PPP2R2A: variants seen among roughly 807,000 people sequenced by gnomAD.
PPP2R2A encodes the protein serine/threonine-protein phosphatase 2A 55 kDa regulatory subunit B alpha isoform.
PPP2R2A carries 9 observed loss-of-function variants against 53.2 expected under a neutral mutation model. The ratio of observed to expected loss-of-function variants is 0.17; its 90% CI spans 0.10 to 0.30. The LOEUF is 0.30. PPP2R2A is among the 10% of genes least tolerant of loss of function. The pLI is 1.00. For synonymous variants in PPP2R2A, 169 were observed against 174.2 expected (o/e 0.97, Z 0.23); for missense variants, 235 against 534.6 (o/e 0.44, Z 5.53).
chr8:26,339,046 T>C lies in PPP2R2A; in HGVS notation c.180+59T>C, dbSNP rs1803806894. The C allele has an allele frequency of 9.5e-6, 12 of 1,264,232 alleles. No homozygotes were observed. In the South Asian group the frequency reaches 1.4e-4, roughly 14 times the overall value. The allele number at this position is 1,264,232 out of a possible 1,614,324, so 78.3% of individuals were successfully genotyped here. On this transcript the variant is annotated intron_variant, in intron 3 of 9. Coordinates refer to ENST00000380737, the MANE Select transcript of PPP2R2A (RefSeq NM_002717.4). ...TTTGATCTTAGGACTAGAGCTTGTGTTGCACTGGAGAATCTCATCAGAGGA... is the reference window on the plus strand; with the variant it reads ...TTTGATCTTAGGACTAGAGCTTGTGCTGCACTGGAGAATCTCATCAGAGGA...
intron 4 of PPP2R2A, among the ~76,000 whole-genome samples, chr8:26,355,847 G>A (rs1804753108): frequency 6.8e-6 from 1 of 147,432 alleles, no homozygotes; most frequent in Admixed American, 6.8e-5. Flanking sequence ...TCCAGCCTGG[G>A]CAACAGAGCG....
At chr8:26,358,406 A>T (rs1804904354) in intron 4 of PPP2R2A, among the ~76,000 whole-genome samples, 1 of 152,232 alleles carries the variant, frequency 6.6e-6, no homozygotes, top group African/African-American at 2.4e-5. Flanking sequence ...TCATATACAT[A>T]TATAAACTAA....
chr8:26,351,019 C>G lies in PPP2R2A; in HGVS notation c.181-3449C>G, dbSNP rs188755237. 6.6e-5 allele frequency among the ~76,000 whole-genome samples: 10 copies of G among 152,118 alleles called. No individual in the cohort carries two copies. The East Asian group carries it at 1.7e-3, about 26-fold the overall frequency. On this transcript the variant is annotated intron_variant, in intron 3 of 9. Transcript: ENST00000380737. ...AACAAAACAAAACAAAACAAGAAAACCCACACATTTGTTAGAAGTATTTTT... is the reference window on the plus strand; with the variant it reads ...AACAAAACAAAACAAAACAAGAAAAGCCACACATTTGTTAGAAGTATTTTT...
intron 2 of PPP2R2A, among the ~76,000 whole-genome samples, chr8:26,315,212 A>T (rs1027705645): frequency 6.6e-6 from 1 of 151,992 alleles, no homozygotes; most frequent in Non-Finnish European, 1.5e-5. Context: ...AGTTCTTAAG[A>T]ATGAGGTAGT....
chr8:26,308,128 A>G (rs1450083103), intron 2 of PPP2R2A, among the ~76,000 whole-genome samples: 1 of 152,254 alleles, frequency 6.6e-6, no homozygotes, highest in Non-Finnish European at 1.5e-5. Context: ...GTACATGACA[A>G]TTAAAAAGTA....
intron 2 of PPP2R2A, among the ~76,000 whole-genome samples, chr8:26,326,140 A>G (rs955608368): frequency 6.6e-6 from 1 of 152,212 alleles, no homozygotes. Context: ...TTGGCTTGTT[A>G]GGTAAATGTT....
At chr8:26,307,156 A>G (rs926085598) in intron 2 of PPP2R2A, among the ~76,000 whole-genome samples, 8 of 152,232 alleles carry the variant, frequency 5.3e-5, no homozygotes, top group African/African-American at 1.2e-4. Flanking sequence ...ACAGATTTCT[A>G]TATGGAGAGT....
At chr8:26,314,938 G>A (rs2117246742) in intron 2 of PPP2R2A, among the ~76,000 whole-genome samples, 1 of 135,656 alleles carries the variant, frequency 7.4e-6, no homozygotes, top group East Asian at 2.2e-4. Context: ...TTTACATTCT[G>A]GGGGAGTTCC....
intron 2 of PPP2R2A, among the ~76,000 whole-genome samples, chr8:26,306,963 A>G (rs1368941576): frequency 7.2e-5 from 11 of 152,172 alleles, no homozygotes; most frequent in Admixed American, 7.2e-4. Context: ...TTCCAGAAGT[A>G]TTTTATTTTG....
rs566280049 is a variant in PPP2R2A at position 26,321,381 on chromosome 8, C to T, written c.83-17509C>T. 4.6e-5 allele frequency among the ~76,000 whole-genome samples: 7 copies of T among 152,266 alleles called. No individual in the cohort carries two copies. The highest frequency in any genetic ancestry group is 2.1e-4 in the South Asian group (1 of 4,816). On this transcript the variant is annotated intron_variant, in intron 2 of 9. Coordinates refer to ENST00000380737, the MANE Select transcript of PPP2R2A (RefSeq NM_002717.4). This position sits in a 1 kb window ranked among gnomAD's most constrained non-coding sequence, Gnocchi z 4.1. ...CAGGCTGCCTTCTTTGTCAGGCAGCCGCTTAAGGTGGCCCCAGTGATCCCT... is the reference window on the plus strand; with the variant it reads ...CAGGCTGCCTTCTTTGTCAGGCAGCTGCTTAAGGTGGCCCCAGTGATCCCT...
chr8:26,339,635 G>A (rs984550816), intron 3 of PPP2R2A, among the ~76,000 whole-genome samples: 2 of 151,978 alleles, frequency 1.3e-5, no homozygotes, highest in Non-Finnish European at 1.5e-5. Context: ...AAAATTTTTT[G>A]CTAAACAAAA....
intron 2 of PPP2R2A, among the ~76,000 whole-genome samples, chr8:26,298,159 G>C (rs1318766858): frequency 6.6e-6 from 1 of 152,164 alleles, no homozygotes. Context: ...ACAGATGTTT[G>C]TAAAGAGTAA....
chr8:26,338,765 G>C lies in PPP2R2A; in HGVS notation c.83-125G>C, dbSNP rs1225837104. ...TAGATTCATGTTATTTCTGATGGGTGGTTGATGTACTTCAAAGATATACTT... is the reference window on the plus strand; with the variant it reads ...TAGATTCATGTTATTTCTGATGGGTCGTTGATGTACTTCAAAGATATACTT... On this transcript the variant is annotated intron_variant, in intron 2 of 9. Transcript: ENST00000380737. The surrounding 1 kb of genome is among the most constrained non-coding windows in gnomAD (Gnocchi z 4.5). 1.9e-6 allele frequency: 1 copy of C among 526,022 alleles called. No homozygotes were observed. Among genetic ancestry groups the C allele is most frequent in the Non-Finnish European group, 3.4e-6 (1 of 297,276 alleles). 32.6% of individuals were successfully genotyped at this position (526,022 alleles called of 1,614,324 possible).
chr8:26,296,173 G>A (rs1017271241), intron 2 of PPP2R2A, among the ~76,000 whole-genome samples: 1 of 152,066 alleles, frequency 6.6e-6, no homozygotes, highest in African/African-American at 2.4e-5. Context: ...CTGCTTCTTC[G>A]TCCTGTTTTG....
rs896677041 is a variant in PPP2R2A at position 26,347,380 on chromosome 8, G to T, written c.181-7088G>T. Among the ~76,000 whole-genome samples, 17 of 151,076 alleles carry T rather than the reference G, an allele frequency of 1.1e-4. No individual in the cohort carries two copies. The East Asian group carries it at 2.9e-3, about 26-fold the overall frequency. On this transcript the variant is annotated intron_variant, in intron 3 of 9. Transcript: ENST00000380737. ...CTGAGCAAGGCACAGTTTTCGTGTG[G>T]GGTGTTTGTGTGTGTCCACGCGCAT... is the stretch of plus-strand genomic sequence containing the variant.
At position 26,371,835 on chromosome 8, in the gene PPP2R2A, C is replaced by T. The variant is rs1320593311; in HGVS notation, c.*1422C>T. ...ACATTATCCAAAGATGAAGAGTGCT[C>T]CTATTTTTAATAGGTAGAATGTACC... On this transcript the variant is annotated 3_prime_UTR_variant, in exon 10 of 10. Coordinates refer to ENST00000380737, the MANE Select transcript of PPP2R2A (RefSeq NM_002717.4). 1 of 152,060 alleles carries T rather than the reference C, an allele frequency of 6.6e-6. No homozygotes were observed. Among genetic ancestry groups the T allele is most frequent in the Non-Finnish European group, 1.5e-5 (1 of 68,000 alleles). 9.4% of individuals were successfully genotyped at this position (152,060 alleles called of 1,614,324 possible).
intron 4 of PPP2R2A, among the ~76,000 whole-genome samples, chr8:26,357,221 T>G (rs1166935641): frequency 6.6e-6 from 1 of 151,486 alleles, no homozygotes; most frequent in East Asian, 1.9e-4. Context: ...TGATTCTGAG[T>G]GATATCTTTT....
At chr8:26,316,162 G>T (rs1035874774) in intron 2 of PPP2R2A, among the ~76,000 whole-genome samples, 1 of 151,984 alleles carries the variant, frequency 6.6e-6, no homozygotes, top group Non-Finnish European at 1.5e-5. Flanking sequence ...CTGCCACCAC[G>T]CCCGGCTAAT....
chr8:26,295,514 T>G (rs1442300753), intron 2 of PPP2R2A, among the ~76,000 whole-genome samples: 1 of 152,150 alleles, frequency 6.6e-6, no homozygotes, highest in Non-Finnish European at 1.5e-5. Flanking sequence ...GAAAACAAAG[T>G]CAAAGTTTTC....
Sources: gnomAD v4.1 joint callset for allele counts (sites outside exome capture counted in the v4.1 genomes callset) on GRCh38, gnomAD v4.1.1 for gene constraint, Gnocchi (gnomAD v3.1) non-coding constraint, MANE v1.5 for transcripts, NCBI Gene and HGNC (gene_info 2026-07-23, HGNC 2026-07-21) for gene names.